SP140L: variants seen among roughly 807,000 people sequenced by gnomAD.
SP140L encodes SP140 like nuclear body protein, also known as nuclear body protein SP140-like protein.
SP140L carries 64 observed loss-of-function variants against 84.3 expected under a neutral mutation model. That is an observed-to-expected ratio of 0.76 (90% CI 0.62 to 0.94). The LOEUF is 0.94. Among genes scored for constraint, SP140L ranks in the 40% least tolerant of loss-of-function variants. The probability of loss-of-function intolerance (pLI) is 0.00; values close to 1 mark genes in which losing one functional copy is unlikely to be tolerated. For missense variants in SP140L, 628 were observed against 692.5 expected (o/e 0.91, Z 1.05); for synonymous variants, 242 against 236.9 (o/e 1.02, Z -0.20).
chr2:230,367,467 A>G (rs796565135), intron 5 of SP140L, among the ~76,000 whole-genome samples: 7 of 151,366 alleles, frequency 4.6e-5, no homozygotes, highest in African/African-American at 1.5e-4. Context: ...TAATTTTAAA[A>G]ATTATTTGTA....
chr2:230,394,766 C>T (rs1248613146), intron 13 of SP140L, among the ~76,000 whole-genome samples: 1 of 152,210 alleles, frequency 6.6e-6, no homozygotes, highest in African/African-American at 2.4e-5. Context: ...CCATTATGAA[C>T]TCCATGGGTC....
chr2:230,338,338 T>C (rs1413643832), intron 2 of SP140L, among the ~76,000 whole-genome samples: 1 of 105,634 alleles, frequency 9.5e-6, no homozygotes, highest in Non-Finnish European at 1.9e-5. Context: ...TTTTTGTACA[T>C]TGATTTTGTA....
At chr2:230,344,009 T>A (rs1010928289) in intron 2 of SP140L, among the ~76,000 whole-genome samples, 6 of 152,142 alleles carry the variant, frequency 3.9e-5, no homozygotes. Flanking sequence ...TGTTTTTGAG[T>A]GGAGAGTTCT....
chr2:230,399,579 G>A (rs2062216651), intron 14 of SP140L, among the ~76,000 whole-genome samples: 1 of 152,156 alleles, frequency 6.6e-6, no homozygotes, highest in South Asian at 2.1e-4. Flanking sequence ...GTGTACTCAT[G>A]GTCCTTCCCC....
intron 12 of SP140L, among the ~76,000 whole-genome samples, 173 bp from the exon 13 acceptor site, chr2:230,393,241 T>C (rs1403572086): frequency 6.6e-6 from 1 of 152,158 alleles, no homozygotes; most frequent in Non-Finnish European, 1.5e-5. Flanking sequence ...CTTCTATTGA[T>C]TGGAGTCTAG....
chr2:230,371,704 T>C (rs758743874), intron 7 of SP140L, 53 bp downstream of exon 7: 3 of 1,431,064 alleles, frequency 2.1e-6, no homozygotes, highest in South Asian at 2.4e-5. Context: ...ACATTTTTAA[T>C]GCCAGAGTTT....
chr2:230,388,380 G>A lies in SP140L; in HGVS notation c.785-179G>A, dbSNP rs565821402. Among the ~76,000 whole-genome samples, 13 of 152,152 alleles carry A rather than the reference G, an allele frequency of 8.5e-5. No homozygotes were observed. The South Asian group carries it at 2.7e-3, about 32-fold the overall frequency. On this transcript the variant is annotated intron_variant, in intron 9 of 18. Coordinates refer to ENST00000415673, the MANE Select transcript of SP140L (RefSeq NM_138402.6). ...TAAGAATAGGAAAATGAAATATAAA[G>A]TGAACCTAACATTAGCTATCTAATT...
chr2:230,342,085 C>A, intron 2 of SP140L: 1 of 166,000 alleles, frequency 6.0e-6, no homozygotes. Flanking sequence ...GCGCCCCTCC[C>A]CCAGCGTCAC....
In SP140L at chr2:230,369,985, G is replaced by A. The variant is rs182063633; in HGVS notation, c.524-923G>A. ...GACAGAGTTTCACCCTGTTGGCCAG[G>A]CTGGTCTTGAATTCCTGACTTAGTG... On this transcript the variant is annotated intron_variant, in intron 5 of 18. Transcript: ENST00000415673. Among the ~76,000 whole-genome samples, 86 of 148,096 alleles carry A rather than the reference G, an allele frequency of 5.8e-4. 1 individual carries two copies. In the South Asian group the frequency reaches 8.9e-3, roughly 15 times the overall value.
intron 2 of SP140L, among the ~76,000 whole-genome samples, chr2:230,355,843 T>C (rs1487468328): frequency 6.6e-6 from 1 of 152,064 alleles, no homozygotes; most frequent in Non-Finnish European, 1.5e-5. Context: ...AAATTAAAGA[T>C]TTTTTCCTAT....
At position 230,371,669 on chromosome 2, in the gene SP140L, T is replaced by G. The variant is rs1219860069; in HGVS notation, c.637+18T>G. The G allele has an allele frequency of 6.4e-7, 1 of 1,562,830 alleles. No homozygotes were observed. The highest frequency in any genetic ancestry group is 8.8e-7 in the Non-Finnish European group (1 of 1,138,910). On this transcript the variant is annotated intron_variant, in intron 7 of 18. Transcript: ENST00000415673. ...GAAAAGAAGTAAGAATAAATAAGAATTTACTTGCTTTTGATGTTACAAATA... is the reference window on the plus strand; with the variant it reads ...GAAAAGAAGTAAGAATAAATAAGAAGTTACTTGCTTTTGATGTTACAAATA...
rs1203010036 is a variant in SP140L, at chr2:230,401,073, A to C, written c.1422+10A>C. 1.3e-5 allele frequency: 15 copies of C among 1,136,918 alleles called. No individual in the cohort carries two copies. The highest frequency in any genetic ancestry group is 1.7e-5 in the Non-Finnish European group (14 of 802,036). 70.4% of individuals were successfully genotyped at this position (1,136,918 alleles called of 1,614,324 possible). A position where few individuals can be genotyped will look rare whatever the true frequency, so the allele number is the denominator to read the frequency against. ...TCCTGAGGAACAGTTGGTAAATCAG[A>C]TGCAAACCCCAAGCCTTCTCCTTTC... On this transcript the variant is annotated intron_variant, in intron 16 of 18. Coordinates refer to ENST00000415673, the MANE Select transcript of SP140L (RefSeq NM_138402.6).
chr2:230,338,832 C>T (rs1475638797), intron 2 of SP140L, among the ~76,000 whole-genome samples: 1 of 143,702 alleles, frequency 7.0e-6, no homozygotes, highest in East Asian at 2.0e-4. Flanking sequence ...AGCCTTGCAT[C>T]CCAAGGATGA....
At chr2:230,328,008 C>T (rs2059626882) in intron 1 of SP140L, among the ~76,000 whole-genome samples, 2 of 152,148 alleles carry the variant, frequency 1.3e-5, no homozygotes, top group African/African-American at 4.8e-5. Flanking sequence ...GATGGAAATC[C>T]TATCTTTTCT....
At chr2:230,331,142 A>AG (rs1179012945) in intron 2 of SP140L, among the ~76,000 whole-genome samples, 3 of 152,262 alleles carry the variant, frequency 2.0e-5, no homozygotes, top group African/African-American at 7.2e-5. Flanking sequence ...CCTGAAAGAA[A>AG]AAAAAAATCA....
intron 9 of SP140L, among the ~76,000 whole-genome samples, chr2:230,387,629 G>C (rs928774899): frequency 6.6e-6 from 1 of 152,156 alleles, no homozygotes; most frequent in Non-Finnish European, 1.5e-5. Context: ...CTAGATGGTG[G>C]TCATTGGATG....
At chr2:230,352,664 A>C (rs531166440) in intron 2 of SP140L, among the ~76,000 whole-genome samples, 1 of 152,260 alleles carries the variant, frequency 6.6e-6, no homozygotes, top group East Asian at 1.9e-4. Context: ...CTTCTCATGA[A>C]TTTTATTAGG....
chr2:230,380,735 C>T (rs562998071), intron 7 of SP140L, among the ~76,000 whole-genome samples: 5 of 152,072 alleles, frequency 3.3e-5, no homozygotes, highest in Admixed American at 1.3e-4. Flanking sequence ...GGTTTTACAG[C>T]GTGTTCTCTT....
intron 11 of SP140L, 177 bp from the exon 12 acceptor site, chr2:230,391,904 ATATACT>A (rs1205760759): frequency 8.5e-6 from 6 of 703,808 alleles, no homozygotes; most frequent in East Asian, 2.7e-5. Context: ...CCACCAGGAA[ATATACT>A]TAGAGGGGAC....
Sources: gnomAD v4.1 joint callset for allele counts (sites outside exome capture counted in the v4.1 genomes callset) on GRCh38, gnomAD v4.1.1 for gene constraint, MANE v1.5 for transcripts, NCBI Gene and HGNC (gene_info 2026-07-23, HGNC 2026-07-21) for gene names.